FBN2: variants seen among roughly 807,000 people sequenced by gnomAD.
The protein encoded by FBN2 is fibrillin 2.
A neutral mutation model predicts 355.6 loss-of-function variants in FBN2; 105 were observed. The ratio of observed to expected loss-of-function variants is 0.30; its 90% CI spans 0.25 to 0.35. FBN2 has a LOEUF of 0.35. Ranked by LOEUF, FBN2 falls within the 10% of genes least tolerant of loss-of-function variation. The probability of loss-of-function intolerance (pLI) is 1.00; values close to 1 mark genes in which losing one functional copy is unlikely to be tolerated. For synonymous variants in FBN2, 1,350 were observed against 1,301.2 expected (o/e 1.04, Z -0.81); for missense variants, 3,280 against 3,758.7 (o/e 0.87, Z 3.33).
intron 5 of FBN2, among the ~76,000 whole-genome samples, chr5:128,468,844 C>G (rs949620026): frequency 8.5e-5 from 13 of 152,104 alleles, no homozygotes; most frequent in African/African-American, 3.1e-4. Flanking sequence ...TTGCTAAAAT[C>G]CAAACCATAC....
At chr5:128,518,701 T>A (rs1432867947) in intron 5 of FBN2, among the ~76,000 whole-genome samples, 1 of 152,128 alleles carries the variant, frequency 6.6e-6, no homozygotes, top group Non-Finnish European at 1.5e-5. Context: ...CATGTTTCCT[T>A]AGTGACTGCT....
chr5:128,311,263 A>G (rs1450852566), intron 39 of FBN2, 37 bp downstream of exon 39: 75 of 1,613,220 alleles, frequency 4.6e-5, no homozygotes, highest in Middle Eastern at 1.7e-4. Context: ...TTTGTTTTAA[A>G]CAGCACTGAG....
In FBN2 at chr5:128,537,689, G is replaced by T. The variant is rs1306450296; in HGVS notation, c.-86C>A. On this transcript the variant is annotated 5_prime_UTR_variant, in exon 1 of 65. Transcript: ENST00000262464. Reference sequence around the variant, plus strand: ...CTGCGCGCCTCAGAAAAGAGTCAGGGTCTAATAAGCCCTTCGTCGGCTCCG... The same window carrying T: ...CTGCGCGCCTCAGAAAAGAGTCAGGTTCTAATAAGCCCTTCGTCGGCTCCG... The T allele has an allele frequency of 1.5e-6, 2 of 1,359,554 alleles. No homozygotes were observed. The highest frequency in any genetic ancestry group is 2.0e-6 in the Non-Finnish European group (2 of 977,868). 84.2% of individuals were successfully genotyped at this position (1,359,554 alleles called of 1,614,324 possible).
intron 39 of FBN2, among the ~76,000 whole-genome samples, chr5:128,310,402 A>ATAT (rs1475271868): frequency 4.5e-3 from 105 of 23,126 alleles, no homozygotes; most frequent in Middle Eastern, 0.026. Flanking sequence ...ATATATATAT[A>ATAT]TTTTTTTTTT....
At chr5:128,344,295 G>A (rs1248398167) in intron 25 of FBN2, 90 bp downstream of exon 25, 1 of 1,317,780 alleles carries the variant, frequency 7.6e-7, no homozygotes, top group African/African-American at 1.5e-5. Flanking sequence ...TGTTCTCAAT[G>A]AGAGGATTAG....
intron 6 of FBN2, among the ~76,000 whole-genome samples, chr5:128,451,185 C>G (rs1295668633): frequency 6.6e-6 from 1 of 152,084 alleles, no homozygotes; most frequent in African/African-American, 2.4e-5. Flanking sequence ...GAATTCAAGC[C>G]TACAGATTAT....
At chr5:128,327,457 A>ATG (rs1371297314) in intron 34 of FBN2, among the ~76,000 whole-genome samples, 1 of 151,826 alleles carries the variant, frequency 6.6e-6, no homozygotes, top group East Asian at 1.9e-4. Flanking sequence ...GTGTGTGTAT[A>ATG]TGTGTGTGTG....
chr5:128,414,261 T>C (rs1314715074), intron 7 of FBN2, among the ~76,000 whole-genome samples: 1 of 152,132 alleles, frequency 6.6e-6, no homozygotes, highest in Non-Finnish European at 1.5e-5. Flanking sequence ...CCAAGGAAAT[T>C]CCAGCCTATT....
intron 33 of FBN2, among the ~76,000 whole-genome samples, chr5:128,329,206 T>C (rs964693225): frequency 2.0e-5 from 3 of 152,200 alleles, no homozygotes; most frequent in Non-Finnish European, 2.9e-5. Flanking sequence ...GAGAAAATTA[T>C]AGTATTCGAA....
chr5:128,503,233 C>T (rs560124525), intron 5 of FBN2, among the ~76,000 whole-genome samples: 1 of 152,300 alleles, frequency 6.6e-6, no homozygotes, highest in Non-Finnish European at 1.5e-5. Context: ...TGAGGCCTCC[C>T]AGACATGTGG....
chr5:128,426,686 C>A (rs762266587), intron 7 of FBN2, among the ~76,000 whole-genome samples: 1 of 152,214 alleles, frequency 6.6e-6, no homozygotes, highest in Non-Finnish European at 1.5e-5. Flanking sequence ...ATCCCCCAGG[C>A]TCAGAAGCCC....
intron 7 of FBN2, among the ~76,000 whole-genome samples, chr5:128,422,841 A>G (rs1298556559): frequency 6.6e-6 from 1 of 152,216 alleles, no homozygotes; most frequent in Non-Finnish European, 1.5e-5. Flanking sequence ...CCAGTCAAAA[A>G]GCTTTGGTAC....
intron 7 of FBN2, among the ~76,000 whole-genome samples, chr5:128,430,825 G>T (rs941700020): frequency 2.0e-5 from 3 of 152,056 alleles, no homozygotes; most frequent in South Asian, 4.2e-4. Context: ...ACTCCAGTCT[G>T]GGCGACAGAG....
At position 128,455,382 on chromosome 5, in the gene FBN2, T is replaced by G. The variant is rs539777197; in HGVS notation, c.827-8776A>C. Among the ~76,000 whole-genome samples, 12 of 152,258 alleles carry G rather than the reference T, an allele frequency of 7.9e-5. No individual in the cohort carries two copies. In the South Asian group the frequency reaches 2.1e-3, roughly 26 times the overall value. ...GTGGATTAAGCACAACGGCTAAAAC[T>G]CAAATGGCTCTCAATATTAAAGCCA... On this transcript the variant is annotated intron_variant, in intron 6 of 64. Coordinates refer to ENST00000262464, the MANE Select transcript of FBN2 (RefSeq NM_001999.4).
chr5:128,426,288 C>T (rs1358792316), intron 7 of FBN2, among the ~76,000 whole-genome samples: 3 of 152,144 alleles, frequency 2.0e-5, no homozygotes, highest in Non-Finnish European at 1.5e-5. Flanking sequence ...GAGATCTTGA[C>T]CGAGACTTCG....
At chr5:128,298,952 C>T (rs1749622691) in intron 48 of FBN2, among the ~76,000 whole-genome samples, 1 of 152,112 alleles carries the variant, frequency 6.6e-6, no homozygotes, top group South Asian at 2.1e-4. Flanking sequence ...TCTGTTTTTT[C>T]CCCATCTTTG....
chr5:128,325,296 T>C (rs1220838543), intron 34 of FBN2, among the ~76,000 whole-genome samples: 1 of 152,230 alleles, frequency 6.6e-6, no homozygotes, highest in Non-Finnish European at 1.5e-5. Flanking sequence ...ACTCCTGTAT[T>C]GGGTGCATAT....
chr5:128,425,464 T>C (rs1321227356), intron 7 of FBN2, among the ~76,000 whole-genome samples: 1 of 152,204 alleles, frequency 6.6e-6, no homozygotes, highest in Non-Finnish European at 1.5e-5. Context: ...TGCAAGAATT[T>C]AGAATTTGGA....
chr5:128,290,787 C>G lies in FBN2; in HGVS notation c.6390G>C (p.Lys2130Asn). ...NTTKAKCCCSKMPGEGWGDPC... is the reference protein window; with the variant it reads ...NTTKAKCCCSNMPGEGWGDPC... ...GGTCCCCCCAGCCCTCTCCTGGCATCTTACTACAGCAGCATTTTGCTTTTG... is the reference window on the plus strand; with the variant it reads ...GGTCCCCCCAGCCCTCTCCTGGCATGTTACTACAGCAGCATTTTGCTTTTG... Residue 2130 changes from lysine (K) to asparagine (N), a missense_variant, in exon 50 of 65, where the codon AAG (lysine) becomes AAC (asparagine). By Grantham distance (94) the Lys-to-Asn change is moderately conservative. Transcript: ENST00000262464. 1 of 1,614,176 alleles carries G rather than the reference C, an allele frequency of 6.2e-7. No homozygotes were observed. Among genetic ancestry groups the G allele is most frequent in the Non-Finnish European group, 8.5e-7 (1 of 1,179,998 alleles).
Sources: gnomAD v4.1 joint callset for allele counts (sites outside exome capture counted in the v4.1 genomes callset) on GRCh38, gnomAD v4.1.1 for gene constraint, MANE v1.5 for transcripts, NCBI Gene and HGNC (gene_info 2026-07-23, HGNC 2026-07-21) for gene names.